The following NKAIN3 variants were observed in gnomAD, a reference collection of about 807,000 sequenced individuals.
NKAIN3 encodes sodium/potassium-transporting ATPase subunit beta-1-interacting protein 3.
A neutral mutation model predicts 30.2 loss-of-function variants in NKAIN3; 25 were observed. The observed-to-expected ratio is 0.83, with a 90% CI of 0.60 to 1.16. The LOEUF is 1.16. Ranked by LOEUF, NKAIN3 falls within the 50% of genes most tolerant of loss-of-function variation. NKAIN3 has a pLI of 0.00. For missense variants in NKAIN3, 225 were observed against 254.1 expected (o/e 0.89, Z 0.78); for synonymous variants, 91 against 89.6 (o/e 1.02, Z -0.09).
chr8:62,908,399 G>A (rs1338478206), intron 4 of NKAIN3, among the ~76,000 whole-genome samples: 1 of 152,148 alleles, frequency 6.6e-6, no homozygotes. Context: ...GGGACAGTTG[G>A]GAAGGCATGA....
intron 1 of NKAIN3, among the ~76,000 whole-genome samples, chr8:62,495,018 CAAT>C (rs1410160127): frequency 2.0e-5 from 3 of 151,982 alleles, no homozygotes; most frequent in Non-Finnish European, 4.4e-5. Flanking sequence ...AGGGAAAGAA[CAAT>C]GTCTGTTTTA....
At chr8:62,919,906 G>GTT (rs61197233) in intron 5 of NKAIN3, among the ~76,000 whole-genome samples, 27 of 52,274 alleles carry the variant, frequency 5.2e-4, no homozygotes, top group African/African-American at 3.0e-3. Context: ...CTTACACAGA[G>GTT]TTTTTTTTTT....
At chr8:62,735,993 T>G (rs1316954521) in intron 3 of NKAIN3, among the ~76,000 whole-genome samples, 1 of 152,180 alleles carries the variant, frequency 6.6e-6, no homozygotes, top group Non-Finnish European at 1.5e-5. Context: ...GTGATGTGAT[T>G]GGTCTTCAGG....
intron 1 of NKAIN3, among the ~76,000 whole-genome samples, chr8:62,366,370 GCA>G (rs1491178198): frequency 2.6e-5 from 4 of 151,994 alleles, no homozygotes; most frequent in East Asian, 1.9e-4. Flanking sequence ...GGGATTACAG[GCA>G]TGCACCACTG....
intron 3 of NKAIN3, among the ~76,000 whole-genome samples, chr8:62,654,777 G>A (rs908119868): frequency 6.6e-6 from 1 of 151,950 alleles, no homozygotes; most frequent in African/African-American, 2.4e-5. Context: ...AAACACAGGA[G>A]GCTTTTTTCC....
At chr8:62,710,415 T>C (rs1814676861) in intron 3 of NKAIN3, among the ~76,000 whole-genome samples, 1 of 152,162 alleles carries the variant, frequency 6.6e-6, no homozygotes, top group African/African-American at 2.4e-5. Context: ...GTTAGGTGCA[T>C]ATATGTTTAG....
chr8:62,337,801 T>C (rs1250351188), intron 1 of NKAIN3, among the ~76,000 whole-genome samples: 1 of 152,040 alleles, frequency 6.6e-6, no homozygotes, highest in Non-Finnish European at 1.5e-5. Flanking sequence ...TTTTTAGAAA[T>C]TCTGATCATT....
At position 62,913,816 on chromosome 8, in the gene NKAIN3, C is replaced by T. The variant is rs116112091; in HGVS notation, c.472-4637C>T. 5.2e-3 allele frequency among the ~76,000 whole-genome samples: 793 copies of T among 152,214 alleles called. 4 individuals are homozygous for T. Among genetic ancestry groups the T allele is most frequent in the African/African-American group, 0.018 (759 of 41,548 alleles). Reference sequence around the variant, plus strand: ...TAATCAAAGTGAAAAGACAATACCCCCAGAATTTGAAATTGTCAAGAAAAC... The same window carrying T: ...TAATCAAAGTGAAAAGACAATACCCTCAGAATTTGAAATTGTCAAGAAAAC... On this transcript the variant is annotated intron_variant, in intron 4 of 6. Coordinates refer to ENST00000623646, the MANE Select transcript of NKAIN3 (RefSeq NM_001304533.3).
At chr8:62,898,376 C>T (rs1490170080) in intron 4 of NKAIN3, among the ~76,000 whole-genome samples, 1 of 152,014 alleles carries the variant, frequency 6.6e-6, no homozygotes, top group African/African-American at 2.4e-5. Context: ...GGGAATACTA[C>T]CCAGCCACAA....
intron 2 of NKAIN3, among the ~76,000 whole-genome samples, chr8:62,584,583 T>A (rs1022618333): frequency 1.3e-5 from 2 of 152,198 alleles, no homozygotes; most frequent in African/African-American, 4.8e-5. Flanking sequence ...CCCATTTGCC[T>A]ACCTTGTGCC....
rs1824295658 is a variant in NKAIN3, at chr8:62,990,320, T to C, written c.533-8911T>C. ...ACTGAGGTGATGCATTATTTTAGAGTGTCATTCTAAACCCCAGATTCAACA... is the reference window on the plus strand; with the variant it reads ...ACTGAGGTGATGCATTATTTTAGAGCGTCATTCTAAACCCCAGATTCAACA... On this transcript the variant is annotated intron_variant, in intron 5 of 5. Transcript: ENST00000519049. 5.1e-6 allele frequency: 7 copies of C among 1,377,328 alleles called. No homozygotes were observed. In the Admixed American group the frequency reaches 1.3e-4, roughly 26 times the overall value. The allele number at this position is 1,377,328 out of a possible 1,614,324, so 85.3% of individuals were successfully genotyped here.
intron 3 of NKAIN3, among the ~76,000 whole-genome samples, chr8:62,610,486 G>A (rs1487012081): frequency 5.3e-5 from 8 of 152,042 alleles, no homozygotes; most frequent in Non-Finnish European, 8.8e-5. Flanking sequence ...ATGAGACAGA[G>A]GTGTGTCACA....
intron 4 of NKAIN3, among the ~76,000 whole-genome samples, chr8:62,811,795 T>C (rs550956094): frequency 2.6e-5 from 4 of 152,040 alleles, no homozygotes; most frequent in Non-Finnish European, 5.9e-5. Flanking sequence ...GAATATGTGG[T>C]TTGTAAATAT....
At chr8:62,704,019 T>G (rs887434497) in intron 3 of NKAIN3, among the ~76,000 whole-genome samples, 1 of 152,192 alleles carries the variant, frequency 6.6e-6, no homozygotes, top group Non-Finnish European at 1.5e-5. Context: ...GGTTACTCCA[T>G]AGACTCTTTC....
intron 1 of NKAIN3, among the ~76,000 whole-genome samples, chr8:62,354,120 T>G (rs1226564745): frequency 6.6e-6 from 1 of 152,194 alleles, no homozygotes; most frequent in Non-Finnish European, 1.5e-5. Flanking sequence ...ATCTCAAAGC[T>G]TTAGAGAAGT....
intron 4 of NKAIN3, among the ~76,000 whole-genome samples, chr8:62,814,183 C>T (rs1010273951): frequency 6.6e-6 from 1 of 152,074 alleles, no homozygotes; most frequent in Non-Finnish European, 1.5e-5. Flanking sequence ...CTTCATACCT[C>T]TCCCAAGACT....
chr8:62,459,993 T>C (rs1314694705), intron 1 of NKAIN3, among the ~76,000 whole-genome samples: 2 of 152,198 alleles, frequency 1.3e-5, no homozygotes, highest in Non-Finnish European at 1.5e-5. Context: ...TAGACTGTAA[T>C]GTGGTACAAT....
At chr8:62,431,864 GAAA>G (rs5891856) in intron 1 of NKAIN3, among the ~76,000 whole-genome samples, 12 of 133,504 alleles carry the variant, frequency 9.0e-5, no homozygotes, top group East Asian at 8.8e-4. Context: ...TTATAAAAAG[GAAA>G]AAAAAAAAAA....
intron 1 of NKAIN3, among the ~76,000 whole-genome samples, chr8:62,340,349 G>A (rs1476324031): frequency 6.6e-6 from 1 of 151,956 alleles, no homozygotes; most frequent in African/African-American, 2.4e-5. Flanking sequence ...AAGGGAGAAA[G>A]GAGTTCAGAG....
Sources: allele counts gnomAD v4.1 joint callset (sites outside exome capture counted in the v4.1 genomes callset), GRCh38; gene constraint gnomAD v4.1.1; transcripts MANE v1.5; gene names NCBI Gene and HGNC (gene_info 2026-07-23, HGNC 2026-07-21).